The following MSS51 variants were observed in gnomAD, a reference collection of about 807,000 sequenced individuals.
The protein encoded by MSS51 is MSS51 mitochondrial translational activator.
In MSS51, 32 loss-of-function variants were observed where a neutral mutation model predicts 40.2. That is an observed-to-expected ratio of 0.80 (90% CI 0.60 to 1.07). MSS51 has a LOEUF of 1.07. MSS51 is among the 50% of genes least tolerant of loss of function. The pLI is 0.00. For synonymous variants in MSS51, 178 were observed against 214.2 expected (o/e 0.83, Z 1.48); for missense variants, 518 against 568.9 (o/e 0.91, Z 0.91).
chr10:73,427,988 G>A, intron 2 of MSS51, 76 bp downstream of exon 2: 1 of 1,397,412 alleles, frequency 7.2e-7, no homozygotes, highest in Non-Finnish European at 1.0e-6. Flanking sequence ...TCACCAAACT[G>A]TACTCCCTCT....
intron 1 of MSS51, among the ~76,000 whole-genome samples, chr10:73,431,766 G>A (rs2056030734): frequency 6.6e-6 from 1 of 152,148 alleles, no homozygotes; most frequent in Admixed American, 6.5e-5. Flanking sequence ...AAATAGTCAA[G>A]CTCATCTGTA....
At chr10:73,425,341 T>C (rs559852454) in intron 5 of MSS51, 150 bp from the exon 6 acceptor site, 1 of 620,270 alleles carries the variant, frequency 1.6e-6, no homozygotes, top group Admixed American at 3.2e-5. Flanking sequence ...AATGAAAAAT[T>C]CTGAACCCAA....
chr10:73,427,758 C>T lies in MSS51; in HGVS notation c.232G>A (p.Asp78Asn). Residue 78 changes from aspartate (D) to asparagine (N), a missense_variant, in exon 3 of 7, where the codon GAT becomes AAT. Coordinates refer to ENST00000299432, the MANE Select transcript of MSS51 (RefSeq NM_001024593.2). ...KSYEEYKLVV[D>N]GGTPVSGFGF... ...AAGCCTGATACGGGGGTACCCCCAT[C>T]TACCACCAACCTGCAGAGACAGCAT... 1 of 1,614,038 alleles carries T rather than the reference C, an allele frequency of 6.2e-7. No homozygotes were observed. Among genetic ancestry groups the T allele is most frequent in the Non-Finnish European group, 8.5e-7 (1 of 1,179,962 alleles).
intron 1 of MSS51, among the ~76,000 whole-genome samples, chr10:73,431,298 G>A (rs554971174): frequency 7.9e-5 from 12 of 152,042 alleles, no homozygotes; most frequent in African/African-American, 2.9e-4. Flanking sequence ...TTTTCACTTC[G>A]ATTAAAAAAG....
At chr10:73,425,662 AAAAAAAAAAAAAG>A in intron 5 of MSS51, 136 bp downstream of exon 5, 4 of 314,880 alleles carry the variant, frequency 1.3e-5, no homozygotes, top group East Asian at 1.6e-4. Flanking sequence ...ACTCCGTCTC[AAAAAAAAAAAAAG>A]AAAAAAAAAA....
Sources: gnomAD v4.1 joint callset for allele counts (sites outside exome capture counted in the v4.1 genomes callset) on GRCh38, gnomAD v4.1.1 for gene constraint, MANE v1.5 for transcripts, NCBI Gene and HGNC (gene_info 2026-07-23, HGNC 2026-07-21) for gene names.